Variants in NRXN3 observed in about 807,000 individuals in gnomAD.
NRXN3 encodes the protein neurexin 3, also known as neurexin III.
Under a neutral mutation model 137.6 loss-of-function variants are expected in NRXN3, and 32 were observed. The ratio of observed to expected loss-of-function variants is 0.23; its 90% CI spans 0.18 to 0.31. The LOEUF is 0.31. NRXN3 is among the 10% of genes least tolerant of loss of function. The pLI, the probability that NRXN3 is intolerant of heterozygous loss-of-function variation, is 1.00. For missense variants in NRXN3, 1,574 were observed against 2,062.5 expected, an observed-to-expected ratio of 0.76 and a Z score of 4.59; for synonymous variants, 798 against 784.5, an observed-to-expected ratio of 1.02 and a Z score of -0.29.
intron 19 of NRXN3, among the ~76,000 whole-genome samples, chr14:79,789,164 T>C (rs2099137948): frequency 6.6e-6 from 1 of 152,090 alleles, no homozygotes; most frequent in Non-Finnish European, 1.5e-5. Flanking sequence ...ACATGAAAAC[T>C]ATATTTTTAT....
chr14:79,184,122 G>A (rs1001615749), intron 15 of NRXN3, among the ~76,000 whole-genome samples: 2 of 152,162 alleles, frequency 1.3e-5, no homozygotes, highest in African/African-American at 2.4e-5. Flanking sequence ...TATGGGTGGG[G>A]TCCTTCATTT....
At chr14:79,776,954 AG>A (rs1221879884) in intron 19 of NRXN3, among the ~76,000 whole-genome samples, 1 of 152,180 alleles carries the variant, frequency 6.6e-6, no homozygotes, top group Non-Finnish European at 1.5e-5. Context: ...GCTGATAGGC[AG>A]GCAATTACAT....
rs541782929 is a variant in NRXN3 at position 78,454,547 on chromosome 14, T to C, written c.757+156687T>C. Among the ~76,000 whole-genome samples the C allele has an allele frequency of 2.6e-5, 4 of 152,344 alleles. No homozygotes were observed. In the East Asian group the frequency reaches 7.7e-4, roughly 29 times the overall value. On this transcript the variant is annotated intron_variant, in intron 4 of 20. Coordinates refer to ENST00000335750, the MANE Select transcript of NRXN3 (RefSeq NM_001330195.2). ...CTAATGTGTAGCCAGGTTTGAGAAC[T>C]GCTGTCTCTCCTGAGAGGTAGGGAT...
rs145316285 is a variant in NRXN3, at chr14:79,569,346, C to T, written c.3445-94432C>T. On this transcript the variant is annotated intron_variant, in intron 16 of 20. Transcript: ENST00000335750. ...TCATTGCCTTGTTCACTTGCACAAA[C>T]GGAGAAAACTCTTTGAAAACATCTT... Among the ~76,000 whole-genome samples, 988 of 152,130 alleles carry T rather than the reference C, an allele frequency of 6.5e-3. 12 individuals carry two copies. The highest frequency in any genetic ancestry group is 0.044 in the Middle Eastern group (13 of 294).
At chr14:79,343,043 C>A (rs960361259) in intron 15 of NRXN3, among the ~76,000 whole-genome samples, 1 of 152,014 alleles carries the variant, frequency 6.6e-6, no homozygotes, top group African/African-American at 2.4e-5. Flanking sequence ...GTCTGCTGTT[C>A]CTGGGTGTGG....
chr14:79,857,226 T>C (rs1266287264), intron 20 of NRXN3, among the ~76,000 whole-genome samples: 1 of 151,990 alleles, frequency 6.6e-6, no homozygotes, highest in Non-Finnish European at 1.5e-5. Context: ...TTTTTGTTTG[T>C]TTGTTTGCTT....
intron 4 of NRXN3, among the ~76,000 whole-genome samples, chr14:78,577,396 T>C (rs2096947122): frequency 6.6e-6 from 1 of 152,116 alleles, no homozygotes. Context: ...GATAGAAATT[T>C]GCATAGAAAA....
intron 18 of NRXN3, among the ~76,000 whole-genome samples, chr14:79,693,132 T>C (rs1347898786): frequency 2.0e-5 from 3 of 152,042 alleles, no homozygotes; most frequent in African/African-American, 7.2e-5. Context: ...AAATAAACCA[T>C]TGTTTTTCAA....
intron 15 of NRXN3, among the ~76,000 whole-genome samples, chr14:79,088,997 T>A (rs2048659143): frequency 6.6e-6 from 1 of 152,100 alleles, no homozygotes; most frequent in African/African-American, 2.4e-5. Context: ...AAAGACATGG[T>A]TTCATGGCTA....
chr14:78,752,795 G>A (rs2098649247), intron 8 of NRXN3, among the ~76,000 whole-genome samples: 1 of 152,164 alleles, frequency 6.6e-6, no homozygotes, highest in Non-Finnish European at 1.5e-5. Flanking sequence ...GGCTGCAAGG[G>A]TGGGCCAGGG....
chr14:78,645,011 C>T, intron 4 of NRXN3, 109 bp from the exon 5 acceptor site: 1 of 928,394 alleles, frequency 1.1e-6, no homozygotes, highest in East Asian at 2.7e-5. Context: ...GTGTTGGTAT[C>T]AGCACAAGAA....
chr14:79,755,977 A>T (rs906964255), intron 19 of NRXN3, among the ~76,000 whole-genome samples: 1 of 152,168 alleles, frequency 6.6e-6, no homozygotes, highest in African/African-American at 2.4e-5. Context: ...ATTGAAAAGT[A>T]AGTAATTTTC....
Position 78,669,383 on chromosome 14 carries a change from A to G in NRXN3, c.1221+18057A>G, listed in dbSNP as rs78074602. Among the ~76,000 whole-genome samples, 1,292 of 152,230 alleles carry G rather than the reference A, an allele frequency of 8.5e-3. 10 individuals are homozygous for G. The highest frequency in any genetic ancestry group is 0.011 in the African/African-American group (447 of 41,546). On this transcript the variant is annotated intron_variant, in intron 6 of 20. Transcript: ENST00000335750. ...AGGGTGAGTCCATAAAGTGAAAGCA[A>G]ATTTTTAAGAGAGTAAAGGAATGGG... is the stretch of plus-strand genomic sequence containing the variant.
chr14:79,394,256 A>C (rs2094946843), intron 15 of NRXN3, among the ~76,000 whole-genome samples: 1 of 152,232 alleles, frequency 6.6e-6, no homozygotes, highest in Non-Finnish European at 1.5e-5. Flanking sequence ...AGGAAGTGCA[A>C]ATAACAATGA....
chr14:78,475,230 T>G (rs1332899290), intron 4 of NRXN3, among the ~76,000 whole-genome samples: 3 of 1,164 alleles, frequency 2.6e-3, no homozygotes, highest in Non-Finnish European at 0.023. Context: ...TTTGTGGATA[T>G]TCCCCTTTCA....
intron 10 of NRXN3, among the ~76,000 whole-genome samples, chr14:78,937,232 A>G (rs1031531552): frequency 2.6e-5 from 4 of 151,970 alleles, no homozygotes; most frequent in African/African-American, 9.7e-5. Context: ...AAAAAGAAAA[A>G]AATTTCTAGT....
rs2098124649 is a variant in NRXN3, at chr14:78,686,219, TGGCA to T, written c.1222-22997_1222-22994del. 2.6e-5 allele frequency among the ~76,000 whole-genome samples: 4 copies of T among 152,360 alleles called. No homozygotes were observed. The South Asian group carries it at 8.3e-4, about 32-fold the overall frequency. On this transcript the variant is annotated intron_variant, in intron 6 of 20. Coordinates refer to ENST00000335750, the MANE Select transcript of NRXN3 (RefSeq NM_001330195.2). ...TGAATGAATAACTTACTTTTCTCTCTGGCATGGCTTCCACATTTATTTGCCTAAT... is the reference window on the plus strand; with the variant it reads ...TGAATGAATAACTTACTTTTCTCTCTTGGCTTCCACATTTATTTGCCTAAT...
chr14:79,285,201 A>C (rs376550727), intron 15 of NRXN3, among the ~76,000 whole-genome samples: 14 of 152,280 alleles, frequency 9.2e-5, no homozygotes, highest in Non-Finnish European at 1.5e-4. Flanking sequence ...CACACACACA[A>C]AAACTTGCCG....
chr14:78,573,680 T>G (rs2096910069), intron 4 of NRXN3, among the ~76,000 whole-genome samples: 1 of 152,180 alleles, frequency 6.6e-6, no homozygotes, highest in African/African-American at 2.4e-5. Context: ...GTTATATGTA[T>G]TCACAAAGAT....
Sources: gnomAD v4.1 joint callset for allele counts (sites outside exome capture counted in the v4.1 genomes callset) on GRCh38, gnomAD v4.1.1 for gene constraint, MANE v1.5 for transcripts, NCBI Gene and HGNC (gene_info 2026-07-23, HGNC 2026-07-21) for gene names.